CFAP44: variants seen among roughly 807,000 people sequenced by gnomAD.
CFAP44 encodes cilia and flagella associated protein 44.
In CFAP44, 134 loss-of-function variants were observed where a neutral mutation model predicts 216.2. The observed-to-expected ratio is 0.62, with a 90% CI of 0.54 to 0.72. The LOEUF is 0.72. Among genes scored for constraint, CFAP44 ranks in the 30% least tolerant of loss-of-function variants. CFAP44 has a pLI of 0.00. For synonymous variants in CFAP44, 700 were observed against 727.6 expected, an observed-to-expected ratio of 0.96 and a Z score of 0.61; for missense variants, 2,035 against 2,182.1, an observed-to-expected ratio of 0.93 and a Z score of 1.34.
intron 21 of CFAP44, 110 bp downstream of exon 21, chr3:113,363,035 C>T: frequency 1.4e-6 from 2 of 1,389,766 alleles, no homozygotes; most frequent in South Asian, 2.0e-5. Flanking sequence ...TTGAAAGAAA[C>T]AAACAAAAAA....
At position 113,441,204 on chromosome 3, in the gene CFAP44, C is replaced by G. The variant is rs539246003; in HGVS notation, c.-6+249G>C. ...GACTTGGCCGGGTCTAAGCTGTGCT[C>G]CTGCTGCCTGGCTGGCTTCCGCCCG... On this transcript the variant is annotated intron_variant, in intron 1 of 34. Coordinates refer to ENST00000393845, the MANE Select transcript of CFAP44 (RefSeq NM_001164496.2). 1.6e-4 allele frequency among the ~76,000 whole-genome samples: 24 copies of G among 152,330 alleles called. No homozygotes were observed. The South Asian group carries it at 4.6e-3, about 29-fold the overall frequency.
In CFAP44 at chr3:113,330,636, G is replaced by A. The variant is rs774066525; in HGVS notation, c.3648C>T (p.Cys1216=). ...CTTTAAGGTCTCTAAGAGAGAGAAT[G>A]CACTTGTTCATGTGCCTTTTATTTC... The part of the protein sequence containing the change: ...VHGNKRHMNK[C]ILSLRDLKVA... Residue 1216 remains cysteine, a synonymous_variant, in exon 26 of 35, where the codon TGC becomes TGT. Transcript: ENST00000393845. 5.9e-6 allele frequency: 9 copies of A among 1,535,172 alleles called. No homozygotes were observed. The African/African-American group carries it at 1.1e-4, about 19-fold the overall frequency.
rs2107785812 is a variant in CFAP44 at position 113,294,739 on chromosome 3, C to T, written c.5321G>A (p.Cys1774Tyr). The T allele has an allele frequency of 2.0e-6, 3 of 1,535,766 alleles. No individual in the cohort carries two copies. The highest frequency in any genetic ancestry group is 2.6e-6 in the Non-Finnish European group (3 of 1,146,240). The change falls in exon 34 of 35, where the codon TGT becomes TAT. Residue 1774 changes from cysteine (C) to tyrosine (Y), a missense_variant. This residue lies in a region of CFAP44 where 1,883 missense variants were observed against 2,023.7 expected (regional missense o/e 0.93). Coordinates refer to ENST00000393845, the MANE Select transcript of CFAP44 (RefSeq NM_001164496.2). ...AGAATCAAGTTTCTTCTTTTCAATA[C>T]ACAAATCATTCATCTGATAAAGCTT... Reference protein sequence around the residue: ...TRKLYQMNDLCIEKKKLDSRL... With the variant: ...TRKLYQMNDLYIEKKKLDSRL...
chr3:113,379,043 A>G (rs1221190771), intron 17 of CFAP44, among the ~76,000 whole-genome samples: 2 of 152,206 alleles, frequency 1.3e-5, no homozygotes, highest in Non-Finnish European at 1.5e-5. Context: ...CAGATAATAG[A>G]TAATCTATAA....
intron 21 of CFAP44, among the ~76,000 whole-genome samples, chr3:113,361,691 G>T (rs1576569924): frequency 6.6e-6 from 1 of 151,602 alleles, no homozygotes; most frequent in East Asian, 2.0e-4. Flanking sequence ...GTGGAGACAG[G>T]GTTTCACCAT....
chr3:113,373,367 T>A (rs751994270), intron 18 of CFAP44, 44 bp downstream of exon 18: 1 of 1,446,100 alleles, frequency 6.9e-7, no homozygotes, highest in Non-Finnish European at 9.2e-7. Flanking sequence ...GCATAGACAC[T>A]AACAGGATAT....
chr3:113,345,385 T>C (rs1950371451), intron 22 of CFAP44, among the ~76,000 whole-genome samples: 1 of 152,140 alleles, frequency 6.6e-6, no homozygotes, highest in South Asian at 2.1e-4. Flanking sequence ...AATTACATGG[T>C]ATGTGTGGTG....
In CFAP44 at chr3:113,333,493, C is replaced by G; in HGVS notation, c.3528G>C (p.Leu1176=). ...GTATCTTGTAGTCTGGGGCTGTCTT[C>G]AGATTGAAATCTCCCATATACACCT... ...EAQVYMGDFN[L]KTAPDYKIPE... The change falls in exon 25 of 35, where the codon CTG becomes CTC. Residue 1176 remains leucine, a synonymous_variant. Transcript: ENST00000393845. 6.5e-7 allele frequency: 1 copy of G among 1,537,114 alleles called. No homozygotes were observed. Among genetic ancestry groups the G allele is most frequent in the Non-Finnish European group, 8.7e-7 (1 of 1,146,858 alleles).
intron 23 of CFAP44, among the ~76,000 whole-genome samples, chr3:113,344,054 T>C (rs996613548): frequency 6.6e-6 from 1 of 152,232 alleles, no homozygotes; most frequent in African/African-American, 2.4e-5. Flanking sequence ...CTGATCATTC[T>C]ATTTAAAGCA....
At chr3:113,440,166 C>G (rs1267326639) in intron 1 of CFAP44, among the ~76,000 whole-genome samples, 1 of 152,090 alleles carries the variant, frequency 6.6e-6, no homozygotes, top group Non-Finnish European at 1.5e-5. Context: ...CTGGTTCAAG[C>G]GATTCTCGTG....
At chr3:113,375,100 T>C (rs1933299104) in intron 17 of CFAP44, among the ~76,000 whole-genome samples, 1 of 152,160 alleles carries the variant, frequency 6.6e-6, no homozygotes, top group Admixed American at 6.5e-5. Flanking sequence ...ACAGATACTA[T>C]ATAATTTCAC....
intron 3 of CFAP44, chr3:113,426,622 T>G (rs1934966588): frequency 4.5e-6 from 1 of 222,362 alleles, no homozygotes; most frequent in Admixed American, 5.1e-5. Flanking sequence ...CCTCTTTCCT[T>G]TATAAATTAC....
chr3:113,358,753 T>C lies in CFAP44; in HGVS notation c.3057A>G (p.Leu1019=), dbSNP rs1320723167. 2.0e-6 allele frequency: 3 copies of C among 1,536,620 alleles called. No homozygotes were observed. Among genetic ancestry groups the C allele is most frequent in the African/African-American group, 1.4e-5 (1 of 73,152 alleles). The part of the protein sequence containing the change: ...KEKHELGLMK[L]KNRFRDPLES... Reference sequence around the variant, plus strand: ...GAGAATATGGATCCTACCGATTCTTTAGCTTCATTAGGCCGAGTTCATGTT... The same window carrying C: ...GAGAATATGGATCCTACCGATTCTTCAGCTTCATTAGGCCGAGTTCATGTT... The change falls in exon 22 of 35, where the codon CTA becomes CTG. Residue 1019 remains leucine (L), a synonymous_variant. Coordinates refer to ENST00000393845, the MANE Select transcript of CFAP44 (RefSeq NM_001164496.2).
At chr3:113,407,119 A>G (rs73237123) in intron 7 of CFAP44, 78 bp from the exon 8 acceptor site, 221,129 of 1,062,020 alleles carry the variant, frequency 0.21, 26,591 homozygotes, top group East Asian at 0.45. Context: ...AAACATTTAC[A>G]TATTTCATAG....
At chr3:113,311,372 T>C (rs189283398) in intron 28 of CFAP44, among the ~76,000 whole-genome samples, 268 of 152,314 alleles carry the variant, frequency 1.8e-3, no homozygotes, top group Non-Finnish European at 3.1e-3. Context: ...ATTTGAATCA[T>C]GGGGGCAGTT....
At chr3:113,331,180 T>C (rs564915955) in intron 25 of CFAP44, among the ~76,000 whole-genome samples, 1 of 152,304 alleles carries the variant, frequency 6.6e-6, no homozygotes, top group South Asian at 2.1e-4. Context: ...GGCAAGGCCA[T>C]GATTCTGAAT....
intron 9 of CFAP44, 31 bp from the exon 10 acceptor site, chr3:113,401,770 G>T: frequency 1.3e-6 from 2 of 1,555,176 alleles, no homozygotes; most frequent in Non-Finnish European, 1.7e-6. Flanking sequence ...TACTTTAATC[G>T]ATCAGTAGTT....
intron 17 of CFAP44, among the ~76,000 whole-genome samples, chr3:113,374,039 A>G (rs139674175): frequency 1.3e-5 from 2 of 152,296 alleles, no homozygotes; most frequent in East Asian, 3.9e-4. Flanking sequence ...CTCCAACTCT[A>G]ATTTCCTTAT....
At chr3:113,313,264 T>C (rs560040978) in intron 28 of CFAP44, among the ~76,000 whole-genome samples, 2 of 152,276 alleles carry the variant, frequency 1.3e-5, no homozygotes, top group East Asian at 3.9e-4. Context: ...CTGCTGGATT[T>C]CAGACTTGCA....
Sources: allele counts gnomAD v4.1 joint callset (sites outside exome capture counted in the v4.1 genomes callset), GRCh38; gene constraint gnomAD v4.1.1; regional missense constraint gnomAD v4.1.1; transcripts MANE v1.5; gene names NCBI Gene and HGNC (gene_info 2026-07-23, HGNC 2026-07-21).